The following TMEM169 variants were observed in gnomAD, a reference collection of about 807,000 sequenced individuals.
TMEM169 encodes transmembrane protein 169.
TMEM169 carries 18 observed loss-of-function variants against 27.3 expected under a neutral mutation model. The observed-to-expected ratio is 0.66, with a 90% CI of 0.46 to 0.98. TMEM169 has a LOEUF of 0.98. Among genes scored for constraint, TMEM169 ranks in the 50% least tolerant of loss-of-function variants. The pLI, the probability that TMEM169 is intolerant of heterozygous loss-of-function variation, is 0.00. For missense variants in TMEM169, 320 were observed against 368.6 expected (o/e 0.87, Z 1.08); for synonymous variants, 136 against 142.1 (o/e 0.96, Z 0.30).
chr2:216,092,430 G>A (rs764434538), intron 1 of TMEM169, among the ~76,000 whole-genome samples: 6 of 151,950 alleles, frequency 3.9e-5, no homozygotes, highest in Non-Finnish European at 5.9e-5. Flanking sequence ...TTACAGGCAT[G>A]AGCCACCGCA....
At chr2:216,095,488 G>A (rs553453911) in intron 1 of TMEM169, among the ~76,000 whole-genome samples, 3 of 152,060 alleles carry the variant, frequency 2.0e-5, no homozygotes, top group South Asian at 2.1e-4. Flanking sequence ...CACAAAAATC[G>A]GTAACACAAG....
At chr2:216,094,051 T>C (rs1303097517) in intron 1 of TMEM169, among the ~76,000 whole-genome samples, 2 of 152,146 alleles carry the variant, frequency 1.3e-5, no homozygotes, top group Non-Finnish European at 2.9e-5. Flanking sequence ...AATAAAGGGA[T>C]GGCAAATGGT....
intron 1 of TMEM169, among the ~76,000 whole-genome samples, chr2:216,094,191 G>A (rs980113217): frequency 5.9e-5 from 9 of 152,178 alleles, no homozygotes; most frequent in African/African-American, 1.2e-4. Flanking sequence ...AGTGTGGGGC[G>A]GCAGGGTTGT....
rs1696331732 is a variant in TMEM169, at chr2:216,099,236, TGTGG to T, written c.272-681_272-678del. On this transcript the variant is annotated intron_variant, in intron 2 of 2. Transcript: ENST00000437356. This position sits in a 1 kb window ranked among gnomAD's most constrained non-coding sequence, Gnocchi z 5.0. The stretch of plus-strand genomic sequence containing the variant: ...TATGTATGGTGTTTGGTATATGTGG[TGTGG>T]GTATGTGGTGTGTATGTGGTATGTG... 6.6e-6 allele frequency among the ~76,000 whole-genome samples: 1 copy of T among 150,726 alleles called. No homozygotes were observed.
intron 1 of TMEM169, among the ~76,000 whole-genome samples, chr2:216,084,938 TAGGAAGTTACAGG>T (rs796966317): frequency 3.8e-4 from 58 of 152,114 alleles, no homozygotes; most frequent in African/African-American, 1.4e-3. Flanking sequence ...TGTATAACAG[TAGGAAGTTACAGG>T]AGGATTTTAA....
intron 1 of TMEM169, among the ~76,000 whole-genome samples, chr2:216,094,626 A>G (rs6753389): frequency 0.075 from 11,368 of 152,246 alleles, 1,411 homozygotes; most frequent in African/African-American, 0.26. Context: ...AAAAATTTCA[A>G]TGTGAAATTG....
At chr2:216,090,486 T>G (rs1398480764) in intron 1 of TMEM169, among the ~76,000 whole-genome samples, 1 of 152,200 alleles carries the variant, frequency 6.6e-6, no homozygotes, top group Non-Finnish European at 1.5e-5. Flanking sequence ...AGCCTTCAGA[T>G]GACTGCAGCC....
At chr2:216,094,708 G>C (rs577440392) in intron 1 of TMEM169, among the ~76,000 whole-genome samples, 1 of 152,248 alleles carries the variant, frequency 6.6e-6, no homozygotes, top group African/African-American at 2.4e-5. Flanking sequence ...GATGCAATCA[G>C]CAAAACCCAG....
intron 2 of TMEM169, among the ~76,000 whole-genome samples, chr2:216,098,706 T>C (rs1696315085): frequency 8.0e-6 from 1 of 124,264 alleles, no homozygotes; most frequent in South Asian, 2.4e-4. Context: ...TGGTTCTGTG[T>C]GGGTGCGTTG....
chr2:216,083,920 T>G (rs1207582433), intron 1 of TMEM169, among the ~76,000 whole-genome samples: 3 of 152,222 alleles, frequency 2.0e-5, no homozygotes, highest in Non-Finnish European at 4.4e-5. Context: ...ATCTGCTGCT[T>G]GGAAGCTCTT....
Position 216,100,646 on chromosome 2 carries a change from TC to T in TMEM169, c.*105del. 15 of 1,490,944 alleles carry T rather than the reference TC, an allele frequency of 1.0e-5. No individual in the cohort carries two copies. Among genetic ancestry groups the T allele is most frequent in the Non-Finnish European group, 1.4e-5 (15 of 1,097,722 alleles). The allele number at this position is 1,490,944 out of a possible 1,614,324, so 92.4% of individuals were successfully genotyped here. A position where few individuals can be genotyped will look rare whatever the true frequency, so the allele number is the denominator to read the frequency against. Reference sequence around the variant, plus strand: ...ATTACCCCCTACTCTCCGCAGTTCTTCTGGGAAATCAGAGTCCATACTGATC... The same window carrying T: ...ATTACCCCCTACTCTCCGCAGTTCTTTGGGAAATCAGAGTCCATACTGATC... On this transcript the variant is annotated 3_prime_UTR_variant, in exon 3 of 3. Coordinates refer to ENST00000437356, the MANE Select transcript of TMEM169 (RefSeq NM_001142311.2).
chr2:216,102,249 T>C lies in TMEM169; in HGVS notation c.*1707T>C, dbSNP rs1384512414. On this transcript the variant is annotated 3_prime_UTR_variant, in exon 3 of 3. Transcript: ENST00000437356. Reference sequence around the variant, plus strand: ...TTTGGCAAAACCTCACTCAGAGCTTTACTCCCTCAGACCTTTCTGAGTTTA... The same window carrying C: ...TTTGGCAAAACCTCACTCAGAGCTTCACTCCCTCAGACCTTTCTGAGTTTA... 5 of 152,222 alleles carry C rather than the reference T, an allele frequency of 3.3e-5. No homozygotes were observed. Among genetic ancestry groups the C allele is most frequent in the Admixed American group, 3.3e-4 (5 of 15,286 alleles). The allele number at this position is 152,222 out of a possible 1,614,324, so 9.4% of individuals were successfully genotyped here. A position where few individuals can be genotyped will look rare whatever the true frequency, so the allele number is the denominator to read the frequency against.
At chr2:216,098,885 G>A (rs750441672) in intron 2 of TMEM169, among the ~76,000 whole-genome samples, 16 of 151,060 alleles carry the variant, frequency 1.1e-4, no homozygotes, top group South Asian at 8.4e-4. Context: ...GTATGTGTGC[G>A]TGGTATGTAT....
intron 1 of TMEM169, among the ~76,000 whole-genome samples, chr2:216,085,416 G>T (rs1695972825): frequency 6.6e-6 from 1 of 152,134 alleles, no homozygotes; most frequent in African/African-American, 2.4e-5. Context: ...AAAAAATTAA[G>T]TAAAAGATGT....
chr2:216,098,327 A>C (rs1696307318), intron 2 of TMEM169, among the ~76,000 whole-genome samples: 1 of 152,140 alleles, frequency 6.6e-6, no homozygotes, highest in Non-Finnish European at 1.5e-5. Context: ...TAGCAGGAGA[A>C]AGCTGGAGAA....
intron 1 of TMEM169, among the ~76,000 whole-genome samples, chr2:216,092,419 A>C (rs377100625): frequency 3.4e-4 from 51 of 152,050 alleles, no homozygotes; most frequent in African/African-American, 1.1e-3. Context: ...AAGTGCTGGG[A>C]TTACAGGCAT....
At chr2:216,092,749 C>T (rs1216029346) in intron 1 of TMEM169, among the ~76,000 whole-genome samples, 2 of 151,368 alleles carry the variant, frequency 1.3e-5, no homozygotes, top group Non-Finnish European at 2.9e-5. Flanking sequence ...TTTGAAAATT[C>T]ATGCTGTATA....
chr2:216,096,288 A>G lies in TMEM169; in HGVS notation c.271+54A>G, dbSNP rs148759144. ...GCCATGGGAAGGAAACCAAAAGGGCATCTTCCAGAACAGACAGGCATATGC... is the reference window on the plus strand; with the variant it reads ...GCCATGGGAAGGAAACCAAAAGGGCGTCTTCCAGAACAGACAGGCATATGC... On this transcript the variant is annotated intron_variant, in intron 2 of 2. Transcript: ENST00000437356. 1,040 of 1,573,482 alleles carry G rather than the reference A, an allele frequency of 6.6e-4. 1 individual carries two copies. The highest frequency in any genetic ancestry group is 8.7e-4 in the Non-Finnish European group (1,001 of 1,156,710).
At chr2:216,090,942 A>G (rs1696106899) in intron 1 of TMEM169, among the ~76,000 whole-genome samples, 1 of 152,196 alleles carries the variant, frequency 6.6e-6, no homozygotes, top group Non-Finnish European at 1.5e-5. Context: ...CACCAGAACT[A>G]GTTTTAAACA....
Sources: allele counts gnomAD v4.1 joint callset (sites outside exome capture counted in the v4.1 genomes callset), GRCh38; gene constraint gnomAD v4.1.1; non-coding constraint Gnocchi (gnomAD v3.1); transcripts MANE v1.5; gene names NCBI Gene and HGNC (gene_info 2026-07-23, HGNC 2026-07-21).